The following RASA3 variants were observed in gnomAD, a reference collection of about 807,000 sequenced individuals.
The protein encoded by RASA3 is RAS p21 protein activator 3.
Under a neutral mutation model 110.0 loss-of-function variants are expected in RASA3, and 73 were observed. The observed-to-expected ratio is 0.66, with a 90% confidence interval of 0.55 to 0.81. The LOEUF (loss-of-function observed/expected upper bound fraction) is 0.81, where lower values mean the gene tolerates loss of function less well. Among genes scored for constraint, RASA3 ranks in the 30% least tolerant of loss-of-function variants. The pLI, the probability that RASA3 is intolerant of heterozygous loss-of-function variation, is 0.00. For synonymous variants in RASA3, 500 were observed against 451.4 expected, an observed-to-expected ratio of 1.11 and a Z score of -1.37; for missense variants, 976 against 1,113.2, an observed-to-expected ratio of 0.88 and a Z score of 1.75.
rs575862237 is a variant in RASA3 at position 114,112,123 on chromosome 13, G to A, written c.55+20312C>T. 1.0e-3 allele frequency among the ~76,000 whole-genome samples: 155 copies of A among 148,026 alleles called. No individual in the cohort carries two copies. The highest frequency in any genetic ancestry group is 1.9e-3 in the Non-Finnish European group (125 of 66,756). On this transcript the variant is annotated intron_variant, in intron 1 of 23. Coordinates refer to ENST00000334062, the MANE Select transcript of RASA3 (RefSeq NM_007368.4). The surrounding 1 kb of genome is among the most constrained non-coding windows in gnomAD (Gnocchi z 4.8). ...CACCCCCCCCAGCAACTGGGACAAG[G>A]GCACACCAGGCTAATTTTTAATCAG...
chr13:114,125,208 A>C (rs563641205), intron 1 of RASA3, among the ~76,000 whole-genome samples: 1 of 152,324 alleles, frequency 6.6e-6, no homozygotes, highest in South Asian at 2.1e-4. Flanking sequence ...GTGGATGCAC[A>C]TGACATAATC....
intron 1 of RASA3, among the ~76,000 whole-genome samples, chr13:114,090,774 G>T (rs2079881012): frequency 6.6e-6 from 1 of 152,198 alleles, no homozygotes; most frequent in African/African-American, 2.4e-5. Context: ...TGGCCCTCAG[G>T]TATGCGTAAC....
Position 113,999,572 on chromosome 13 carries a change from G to A in RASA3, c.1932+13C>T. ...CTCAACCCGAAAGAGAGGCTTGGGG[G>A]CCCCACACTCACGTTTTTCATTTTG... On this transcript the variant is annotated intron_variant, in intron 20 of 23. Transcript: ENST00000334062. The A allele has an allele frequency of 1.2e-5, 19 of 1,612,490 alleles. No individual in the cohort carries two copies. The highest frequency in any genetic ancestry group is 1.6e-5 in the Non-Finnish European group (19 of 1,179,060).
intron 20 of RASA3, among the ~76,000 whole-genome samples, chr13:113,998,806 T>C (rs2053314696): frequency 6.6e-6 from 1 of 151,854 alleles, no homozygotes; most frequent in South Asian, 2.1e-4. Context: ...AGGCTGGGAG[T>C]GTCCAGTGGG....
chr13:114,052,918 C>T (rs1286591191), intron 2 of RASA3, among the ~76,000 whole-genome samples: 16 of 121,558 alleles, frequency 1.3e-4, no homozygotes, highest in Admixed American at 3.2e-4. Flanking sequence ...GGGGGAGAGA[C>T]CCCCGCTGCT....
intron 14 of RASA3, among the ~76,000 whole-genome samples, chr13:114,013,985 TCTCC>T (rs1209684414): frequency 1.4e-5 from 2 of 147,916 alleles, no homozygotes; most frequent in African/African-American, 5.1e-5. Flanking sequence ...TCGATCTCTC[TCTCC>T]ATCTCTCTCC....
chr13:114,117,818 G>T (rs2080313791), intron 1 of RASA3, among the ~76,000 whole-genome samples: 1 of 144,416 alleles, frequency 6.9e-6, no homozygotes, highest in Admixed American at 6.9e-5. Flanking sequence ...GTGTGTGAGG[G>T]GTGCACGTGT....
intron 2 of RASA3, among the ~76,000 whole-genome samples, chr13:114,068,515 C>T (rs1258641302): frequency 5.9e-5 from 9 of 152,228 alleles, no homozygotes. Context: ...TTGTGTGTGA[C>T]GCCAGCTGTT....
intron 1 of RASA3, among the ~76,000 whole-genome samples, chr13:114,104,645 C>T (rs1041614250): frequency 2.0e-5 from 3 of 152,210 alleles, no homozygotes; most frequent in African/African-American, 2.4e-5. Flanking sequence ...AAGCCTGAAC[C>T]GCACAAGATT....
At chr13:113,997,821 T>G (rs1347627872) in intron 20 of RASA3, among the ~76,000 whole-genome samples, 1 of 152,066 alleles carries the variant, frequency 6.6e-6, no homozygotes, top group African/African-American at 2.4e-5. Flanking sequence ...TGGGGAGGAT[T>G]TGGGCTCCAG....
rs1376038780 is a variant in RASA3 at position 114,009,419 on chromosome 13, T to C, written c.1636A>G (p.Asn546Asp). 6 of 1,612,562 alleles carry C rather than the reference T, an allele frequency of 3.7e-6. No individual in the cohort carries two copies. In the South Asian group the frequency reaches 5.5e-5, roughly 15 times the overall value. The part of the protein sequence containing the change: ...SYMATFYEFF[N>D]EQKYADAVKN... The stretch of plus-strand genomic sequence containing the variant: ...ACCGCATCAGCATATTTCTGCTCAT[T>C]GAAGAATTCATAAAATGTAGCCATG... Residue 546 changes from asparagine to aspartate, a missense_variant, in exon 17 of 24, where the codon AAT (asparagine) becomes GAT (aspartate). This residue lies in a region of RASA3 where 732 missense variants were observed against 779.7 expected (regional missense o/e 0.94). Transcript: ENST00000334062.
In RASA3 at chr13:114,048,793, C is replaced by A. The variant is rs1239783583; in HGVS notation, c.277+3259G>T. On this transcript the variant is annotated intron_variant, in intron 3 of 23. Coordinates refer to ENST00000334062, the MANE Select transcript of RASA3 (RefSeq NM_007368.4). This position sits in a 1 kb window ranked among gnomAD's most constrained non-coding sequence, Gnocchi z 4.3. ...GGGACAGAGGAGGCTACGGTCACGCCGCCCGGGACCCGCCGACACTGGACA... is the reference window on the plus strand; with the variant it reads ...GGGACAGAGGAGGCTACGGTCACGCAGCCCGGGACCCGCCGACACTGGACA... Among the ~76,000 whole-genome samples, 2 of 152,120 alleles carry A rather than the reference C, an allele frequency of 1.3e-5. No individual in the cohort carries two copies. Among genetic ancestry groups the A allele is most frequent in the Admixed American group, 1.3e-4 (2 of 15,282 alleles).
In RASA3 at chr13:114,011,005, G is replaced by A. The variant is rs539445322; in HGVS notation, c.1590+166C>T. Among the ~76,000 whole-genome samples, 9 of 152,248 alleles carry A rather than the reference G, an allele frequency of 5.9e-5. No homozygotes were observed. The highest frequency in any genetic ancestry group is 1.9e-4 in the East Asian group (1 of 5,182). On this transcript the variant is annotated intron_variant, in intron 16 of 23. Transcript: ENST00000334062. This position sits in a 1 kb window ranked among gnomAD's most constrained non-coding sequence, Gnocchi z 4.8. The stretch of plus-strand genomic sequence containing the variant: ...TTAGGAGGGGAGAGGTGAGCGGGAC[G>A]GGGACGCTCAGGTCCTGGGTTTCAA...
intron 3 of RASA3, among the ~76,000 whole-genome samples, chr13:114,046,411 C>T (rs962916274): frequency 2.6e-5 from 4 of 152,208 alleles, no homozygotes; most frequent in Non-Finnish European, 5.9e-5. Flanking sequence ...CAGTCTCAGC[C>T]GTTCCTGCAG....
At chr13:114,027,770 C>G in intron 6 of RASA3, 77 bp downstream of exon 6, 4 of 1,415,328 alleles carry the variant, frequency 2.8e-6, no homozygotes, top group Non-Finnish European at 4.0e-6. Flanking sequence ...CCAAATGAGG[C>G]AGTGGTCTCG....
At chr13:114,043,282 T>C (rs150710082) in intron 3 of RASA3, among the ~76,000 whole-genome samples, 14 of 152,186 alleles carry the variant, frequency 9.2e-5, no homozygotes, top group Admixed American at 3.9e-4. Flanking sequence ...GCTTTCCAAG[T>C]GCCCAAAGGA....
chr13:114,058,131 G>A lies in RASA3; in HGVS notation c.174-5976C>T, dbSNP rs117365883. On this transcript the variant is annotated intron_variant, in intron 2 of 23. Transcript: ENST00000334062. ...CACTCAGGGGTGTGAGGACAGGGGCGAGGACCGGGATCATCAGTCAGCTCC... is the reference window on the plus strand; with the variant it reads ...CACTCAGGGGTGTGAGGACAGGGGCAAGGACCGGGATCATCAGTCAGCTCC... Among the ~76,000 whole-genome samples, 25 of 152,182 alleles carry A rather than the reference G, an allele frequency of 1.6e-4. No individual in the cohort carries two copies. In the East Asian group the frequency reaches 3.5e-3, roughly 21 times the overall value.
rs796396253 is a variant in RASA3 at position 114,102,385 on chromosome 13, C to T, written c.56-28548G>A. Among the ~76,000 whole-genome samples the T allele has an allele frequency of 1.4e-4, 21 of 151,948 alleles. 1 individual carries two copies. Among genetic ancestry groups the T allele is most frequent in the African/African-American group, 4.8e-4 (20 of 41,368 alleles). On this transcript the variant is annotated intron_variant, in intron 1 of 23. Transcript: ENST00000334062. ...AGCGAGAGTGAAGGAGGAAGAGAGA[C>T]GGAGACAGAGAGACGGTGAGAGGGA...
Position 114,048,010 on chromosome 13 carries a change from T to G in RASA3, c.277+4042A>C, listed in dbSNP as rs544575999. ...ATATGTCAGTTGCAGACCACCTGATTTATACACAAAGAACGGAGGTCTCGG... is the reference window on the plus strand; with the variant it reads ...ATATGTCAGTTGCAGACCACCTGATGTATACACAAAGAACGGAGGTCTCGG... On this transcript the variant is annotated intron_variant, in intron 3 of 23. Transcript: ENST00000334062. The surrounding 1 kb of genome is among the most constrained non-coding windows in gnomAD (Gnocchi z 4.3). 1.3e-5 allele frequency among the ~76,000 whole-genome samples: 2 copies of G among 152,198 alleles called. No homozygotes were observed. The highest frequency in any genetic ancestry group is 1.3e-4 in the Admixed American group (2 of 15,294).
Sources: gnomAD v4.1 joint callset for allele counts (sites outside exome capture counted in the v4.1 genomes callset) on GRCh38, gnomAD v4.1.1 for gene constraint, gnomAD v4.1.1 regional missense constraint, Gnocchi (gnomAD v3.1) non-coding constraint, MANE v1.5 for transcripts, NCBI Gene and HGNC (gene_info 2026-07-23, HGNC 2026-07-21) for gene names.